Variants in ANXA6 observed in about 807,000 individuals in gnomAD.
ANXA6 encodes the protein annexin A6.
In ANXA6, 71 loss-of-function variants were observed where a neutral mutation model predicts 95.4. The ratio of observed to expected loss-of-function variants is 0.74; its 90% CI spans 0.61 to 0.91. The LOEUF (loss-of-function observed/expected upper bound fraction) is 0.91, where lower values mean the gene tolerates loss of function less well. ANXA6 is among the 40% of genes least tolerant of loss of function. The pLI is 0.00. For synonymous variants in ANXA6, 289 were observed against 315.9 expected, an observed-to-expected ratio of 0.91 and a Z score of 0.90; for missense variants, 830 against 876.4, an observed-to-expected ratio of 0.95 and a Z score of 0.67.
At chr5:151,145,729 G>A (rs983448988) in intron 2 of ANXA6, among the ~76,000 whole-genome samples, 1 of 152,130 alleles carries the variant, frequency 6.6e-6, no homozygotes, top group Non-Finnish European at 1.5e-5. Context: ...CAGCTCAACG[G>A]CAGGGAGGCT....
At chr5:151,119,635 C>T (rs1765106101) in intron 17 of ANXA6, among the ~76,000 whole-genome samples, 3 of 152,230 alleles carry the variant, frequency 2.0e-5, no homozygotes, top group African/African-American at 2.4e-5. Context: ...GGTATATAGG[C>T]GTGTGTGTAT....
chr5:151,156,619 A>G (rs549916311), intron 1 of ANXA6, among the ~76,000 whole-genome samples: 22 of 152,144 alleles, frequency 1.4e-4, no homozygotes, highest in Non-Finnish European at 2.6e-4. Flanking sequence ...CGGGAGCCAT[A>G]TGTCCAAATT....
chr5:151,156,494 G>A (rs1204595226), intron 1 of ANXA6, among the ~76,000 whole-genome samples: 1 of 152,222 alleles, frequency 6.6e-6, no homozygotes, highest in Non-Finnish European at 1.5e-5. Context: ...CGCAGGTCAG[G>A]ATATGCCATC....
rs985539497 is a variant in ANXA6 at position 151,124,651 on chromosome 5, C to T, written c.1057-284G>A. Among the ~76,000 whole-genome samples the T allele has an allele frequency of 2.0e-5, 3 of 152,218 alleles. 1 individual carries two copies. The highest frequency in any genetic ancestry group is 7.2e-5 in the African/African-American group (3 of 41,448). ...GATCAAGAGAAATTGGCTAGGCTCC[C>T]GCCTGCCACGGGATCTGCCTCGGTT... is the stretch of plus-strand genomic sequence containing the variant. On this transcript the variant is annotated intron_variant, in intron 14 of 25. Coordinates refer to ENST00000354546, the MANE Select transcript of ANXA6 (RefSeq NM_001155.5).
At chr5:151,129,280 A>G in intron 12 of ANXA6, 127 bp downstream of exon 12, 1 of 1,186,380 alleles carries the variant, frequency 8.4e-7, no homozygotes, top group Non-Finnish European at 1.2e-6. Context: ...ACAAGGCAGG[A>G]GCTCCTGGAA....
chr5:151,106,252 G>A (rs942316761), intron 23 of ANXA6, among the ~76,000 whole-genome samples: 4 of 152,080 alleles, frequency 2.6e-5, no homozygotes, highest in Admixed American at 6.6e-5. Context: ...TTGACTGCAA[G>A]GCTCCAGAGC....
intron 20 of ANXA6, among the ~76,000 whole-genome samples, chr5:151,111,216 T>G (rs1764839064): frequency 6.6e-6 from 1 of 152,210 alleles, no homozygotes; most frequent in Admixed American, 6.5e-5. Context: ...TTACAAGGGT[T>G]ACTTTTAATC....
At chr5:151,155,962 C>G (rs904427551) in intron 1 of ANXA6, among the ~76,000 whole-genome samples, 3 of 152,342 alleles carry the variant, frequency 2.0e-5, no homozygotes, top group Non-Finnish European at 2.9e-5. Flanking sequence ...CAGTCTCCCC[C>G]ACTTCATCCC....
rs1386013426 is a variant in ANXA6 at position 151,129,438 on chromosome 5, T to C, written c.887A>G (p.Lys296Arg). Residue 296 changes from lysine (K) to arginine (R), a missense_variant, in exon 12 of 26, where the codon AAG becomes AGG. Lys to Arg is a conservative substitution (Grantham distance 26). Transcript: ENST00000354546. Reference sequence around the variant, plus strand: ...CATGCTGTAGAGGGACTTCTCATACTTGGTCCGGAAGATCTCCCGAATGTC... The same window carrying C: ...CATGCTGTAGAGGGACTTCTCATACCTGGTCCGGAAGATCTCCCGAATGTC... ...MLDIREIFRT[K>R]YEKSLYSMIK... is the part of the protein sequence containing the mutation. The C allele has an allele frequency of 2.5e-6, 4 of 1,613,422 alleles. No homozygotes were observed. Among genetic ancestry groups the C allele is most frequent in the Non-Finnish European group, 3.4e-6 (4 of 1,179,874 alleles).
At chr5:151,148,445 C>T (rs1766024372) in intron 1 of ANXA6, among the ~76,000 whole-genome samples, 2 of 152,132 alleles carry the variant, frequency 1.3e-5, no homozygotes, top group African/African-American at 2.4e-5. Context: ...AGAGCTTGAC[C>T]GCCTGCAGAT....
At chr5:151,121,296 G>A (rs1202887099) in intron 17 of ANXA6, among the ~76,000 whole-genome samples, 1 of 152,168 alleles carries the variant, frequency 6.6e-6, no homozygotes, top group Non-Finnish European at 1.5e-5. Context: ...TTCCTCATCT[G>A]TAAAATGGGG....
At chr5:151,111,528 T>C (rs1764849163) in intron 20 of ANXA6, among the ~76,000 whole-genome samples, 1 of 152,234 alleles carries the variant, frequency 6.6e-6, no homozygotes, top group South Asian at 2.1e-4. Flanking sequence ...TGCTAGGAAT[T>C]TGCCCTACAG....
At position 151,129,427 on chromosome 5, in the gene ANXA6, A is replaced by T; in HGVS notation, c.898T>A (p.Ser300Thr). The change falls in exon 12 of 26, where the codon TCC becomes ACC. Residue 300 changes from serine (S) to threonine (T), a missense_variant. Coordinates refer to ENST00000354546, the MANE Select transcript of ANXA6 (RefSeq NM_001155.5). ...CTGACCTTGATCATGCTGTAGAGGGACTTCTCATACTTGGTCCGGAAGATC... is the reference window on the plus strand; with the variant it reads ...CTGACCTTGATCATGCTGTAGAGGGTCTTCTCATACTTGGTCCGGAAGATC... ...REIFRTKYEKSLYSMIKNDTS... is the reference protein window; with the variant it reads ...REIFRTKYEKTLYSMIKNDTS... The T allele has an allele frequency of 1.2e-6, 2 of 1,613,432 alleles. No individual in the cohort carries two copies. Among genetic ancestry groups the T allele is most frequent in the Non-Finnish European group, 1.7e-6 (2 of 1,179,852 alleles).
At chr5:151,131,380 G>C in intron 10 of ANXA6, 91 bp from the exon 11 acceptor site, 1 of 1,330,930 alleles carries the variant, frequency 7.5e-7, no homozygotes, top group South Asian at 1.2e-5. Flanking sequence ...TATTCCTTGA[G>C]GGCCACCTAG....
intron 2 of ANXA6, among the ~76,000 whole-genome samples, chr5:151,145,402 T>C (rs1765950586): frequency 6.6e-6 from 1 of 152,238 alleles, no homozygotes; most frequent in South Asian, 2.1e-4. Context: ...TGTTCATTAT[T>C]GCATTCAAAC....
intron 2 of ANXA6, among the ~76,000 whole-genome samples, chr5:151,144,995 C>G (rs374195649): frequency 7.2e-5 from 11 of 152,332 alleles, no homozygotes; most frequent in African/African-American, 2.6e-4. Context: ...TAAGCGCCAC[C>G]TGTGCAACCA....
chr5:151,121,584 A>G (rs1765170164), intron 17 of ANXA6, among the ~76,000 whole-genome samples: 1 of 152,128 alleles, frequency 6.6e-6, no homozygotes. Flanking sequence ...CATTTCCCAG[A>G]TGAAGGCACA....
At chr5:151,103,529 C>T (rs759875143) in intron 25 of ANXA6, 41 bp downstream of exon 25, 10 of 1,583,288 alleles carry the variant, frequency 6.3e-6, no homozygotes, top group Admixed American at 3.6e-5. Flanking sequence ...AGGGATCTGA[C>T]ACTCACCCGC....
At chr5:151,111,502 G>A (rs1764848542) in intron 20 of ANXA6, among the ~76,000 whole-genome samples, 1 of 152,202 alleles carries the variant, frequency 6.6e-6, no homozygotes, top group Non-Finnish European at 1.5e-5. Flanking sequence ...TATGCCATTT[G>A]ATCAAGCAAT....
Sources: allele counts gnomAD v4.1 joint callset (sites outside exome capture counted in the v4.1 genomes callset), GRCh38; gene constraint gnomAD v4.1.1; transcripts MANE v1.5; gene names NCBI Gene and HGNC (gene_info 2026-07-23, HGNC 2026-07-21).